The following DDX11 variants were observed in gnomAD, a reference collection of about 807,000 sequenced individuals.
DDX11 encodes ATP-dependent DNA helicase DDX11.
Under a neutral mutation model 125.2 loss-of-function variants are expected in DDX11, and 72 were observed. The observed-to-expected ratio is 0.58, with a 90% CI of 0.48 to 0.70. The LOEUF (loss-of-function observed/expected upper bound fraction) is 0.70. DDX11 is among the 30% of genes least tolerant of loss of function. The probability of loss-of-function intolerance (pLI) is 0.00; values close to 1 mark genes in which losing one functional copy is unlikely to be tolerated. For synonymous variants in DDX11, 347 were observed against 452.6 expected, an observed-to-expected ratio of 0.77 and a Z score of 2.96; for missense variants, 883 against 1,165.0, an observed-to-expected ratio of 0.76 and a Z score of 3.52.
rs1240444825 is a variant in DDX11 at position 31,085,046 on chromosome 12, G to A, written c.558G>A (p.Arg186=). The A allele has an allele frequency of 6.2e-7, 1 of 1,608,698 alleles. No individual in the cohort carries two copies. Among genetic ancestry groups the A allele is most frequent in the Non-Finnish European group, 8.5e-7 (1 of 1,177,336 alleles). ...EMLETGPEAE[R]LEQLESGEEE... is the part of the protein sequence containing the mutation. ...TAGAGACAGGCCCGGAGGCTGAGCG[G>A]CTGGAGCAGCTGGAGTCTGGGGAGG... Residue 186 remains arginine (R), a synonymous_variant, in exon 5 of 27, where the codon CGG becomes CGA. Coordinates refer to ENST00000542838, the MANE Select transcript of DDX11 (RefSeq NM_030653.4).
intron 9 of DDX11, among the ~76,000 whole-genome samples, chr12:31,090,547 C>A (rs929780467): frequency 6.6e-6 from 1 of 152,042 alleles, no homozygotes; most frequent in Non-Finnish European, 1.5e-5. Context: ...CCCTAACTTA[C>A]ACCTACCTGC....
chr12:31,093,906 A>G (rs2553126), intron 12 of DDX11, among the ~76,000 whole-genome samples: 71,820 of 138,942 alleles, frequency 0.52, 19,826 homozygotes, highest in East Asian at 0.81. Flanking sequence ...AGCATCACAT[A>G]GACACACGGT....
intron 12 of DDX11, 164 bp downstream of exon 12, chr12:31,093,488 G>T (rs1189137428): frequency 1.2e-5 from 11 of 887,484 alleles, no homozygotes; most frequent in Non-Finnish European, 1.8e-5. Context: ...GCCGAGGCAG[G>T]TGGTTCACCT....
At chr12:31,082,639 A>G (rs894341381) in intron 2 of DDX11, among the ~76,000 whole-genome samples, 3 of 151,920 alleles carry the variant, frequency 2.0e-5, no homozygotes, top group African/African-American at 7.3e-5. Flanking sequence ...CCCTGAGCTG[A>G]GTTCCCCTGT....
chr12:31,103,031 C>T lies in DDX11; in HGVS notation c.2457+11C>T, dbSNP rs770169754. The T allele has an allele frequency of 1.4e-5, 23 of 1,612,984 alleles. No individual in the cohort carries two copies. The highest frequency in any genetic ancestry group is 1.8e-5 in the Non-Finnish European group (21 of 1,178,970). On this transcript the variant is annotated intron_variant, in intron 24 of 26. Transcript: ENST00000542838. The stretch of plus-strand genomic sequence containing the variant: ...TTGGATCAAACCCTCGTGAGTGACC[C>T]CAGTGTCACAGAGGGTGACAGGAGA...
intron 18 of DDX11, among the ~76,000 whole-genome samples, chr12:31,098,685 G>A (rs1388915118): frequency 6.6e-6 from 1 of 152,196 alleles, no homozygotes; most frequent in Non-Finnish European, 1.5e-5. Flanking sequence ...TCCTGAAGCA[G>A]TGCTTCCCAG....
intron 1 of DDX11, among the ~76,000 whole-genome samples, chr12:31,076,080 C>G (rs989627955): frequency 2.6e-5 from 4 of 152,166 alleles, no homozygotes; most frequent in African/African-American, 9.7e-5. Flanking sequence ...GGGAGCCTGA[C>G]CAGTCTCAGG....
At chr12:31,089,605 A>T in intron 8 of DDX11, 115 bp downstream of exon 8, 2 of 1,174,740 alleles carry the variant, frequency 1.7e-6, no homozygotes, top group Non-Finnish European at 2.5e-6. Context: ...AGGAGACCCC[A>T]GTTCCTTCCT....
Position 31,101,560 on chromosome 12 carries a change from T to G in DDX11, c.2053-273T>G. On this transcript the variant is annotated intron_variant, in intron 20 of 26. Coordinates refer to ENST00000542838, the MANE Select transcript of DDX11 (RefSeq NM_030653.4). ...GACCCTGGACAGAAGAAGGGAGGAC[T>G]CAGTGCCAGGGCAATAGGGAGGCCC... The G allele has an allele frequency of 1.3e-5, 7 of 528,770 alleles. No homozygotes were observed. In the South Asian group the frequency reaches 1.4e-4, roughly 11 times the overall value. 32.8% of individuals were successfully genotyped at this position (528,770 alleles called of 1,614,324 possible). A position where few individuals can be genotyped will look rare whatever the true frequency, so the allele number is the denominator to read the frequency against.
chr12:31,077,658 T>C (rs181880730), intron 1 of DDX11, among the ~76,000 whole-genome samples: 3 of 151,958 alleles, frequency 2.0e-5, no homozygotes, highest in East Asian at 1.9e-4. Context: ...CCATCCTGGC[T>C]AACACGGTGA....
intron 5 of DDX11, chr12:31,086,065 G>C: frequency 4.4e-6 from 2 of 454,366 alleles, no homozygotes; most frequent in Non-Finnish European, 8.8e-6. Flanking sequence ...TCCACCAGAC[G>C]CCAGCTTCCC....
rs1946704376 is a variant in DDX11, at chr12:31,103,223, C to T, written c.2458-94C>T. On this transcript the variant is annotated intron_variant, in intron 24 of 26. Coordinates refer to ENST00000542838, the MANE Select transcript of DDX11 (RefSeq NM_030653.4). ...CCTGCTGCTGGCATTGGCCACGAAG[C>T]CTCCTGGTCTGGCTCCAAAGCCTGG... 1.9e-6 allele frequency: 3 copies of T among 1,549,238 alleles called. No individual in the cohort carries two copies. In the East Asian group the frequency reaches 7.3e-5, roughly 38 times the overall value.
Position 31,092,830 on chromosome 12 carries a change from T to C in DDX11, c.1243-16T>C. The C allele has an allele frequency of 1.2e-6, 2 of 1,613,544 alleles. No homozygotes were observed. The highest frequency in any genetic ancestry group is 4.5e-5 in the East Asian group (2 of 44,876). Reference sequence around the variant, plus strand: ...TCAGCTGCTTGCTCAGAGCCTGGTTTGTGTTCTTTCCCCAGCTCTGCCAGG... The same window carrying C: ...TCAGCTGCTTGCTCAGAGCCTGGTTCGTGTTCTTTCCCCAGCTCTGCCAGG... On this transcript the variant is annotated splice_polypyrimidine_tract_variant and intron_variant, in intron 10 of 26. Transcript: ENST00000542838.
At chr12:31,085,415 C>T (rs1434575205) in intron 5 of DDX11, among the ~76,000 whole-genome samples, 1 of 152,258 alleles carries the variant, frequency 6.6e-6, no homozygotes, top group Non-Finnish European at 1.5e-5. Context: ...CAAGGAGAGA[C>T]TCCTTGGCTG....
chr12:31,089,477 G>A lies in DDX11; in HGVS notation c.867G>A (p.Gln289=), dbSNP rs1943778545. The A allele has an allele frequency of 6.2e-7, 1 of 1,613,830 alleles. No homozygotes were observed. The highest frequency in any genetic ancestry group is 8.5e-7 in the Non-Finnish European group (1 of 1,179,740). The change falls in exon 8 of 27, where the codon CAG becomes CAA. Residue 289 remains glutamine (Q), a synonymous_variant. Coordinates refer to ENST00000542838, the MANE Select transcript of DDX11 (RefSeq NM_030653.4). ...QLINDRCVDM[Q]RSRHEKKKGA... The stretch of plus-strand genomic sequence containing the variant: ...TCAACGACCGCTGTGTGGACATGCA[G>A]AGAAGCAGGCACGGTAGCCACTGGG...
chr12:31,089,817 C>A, intron 8 of DDX11, 69 bp from the exon 9 acceptor site: 1 of 1,562,084 alleles, frequency 6.4e-7, no homozygotes, highest in Non-Finnish European at 8.7e-7. Flanking sequence ...CATTACACAA[C>A]CCCCTCTTGG....
intron 8 of DDX11, 87 bp from the exon 9 acceptor site, chr12:31,089,799 G>A (rs1191199687): frequency 6.4e-7 from 1 of 1,554,096 alleles, no homozygotes; most frequent in Middle Eastern, 2.3e-4. Context: ...CATGGAAGTG[G>A]GTCTCAACAT....
At chr12:31,096,491 C>G in intron 15 of DDX11, 112 bp downstream of exon 15, 4 of 1,604,950 alleles carry the variant, frequency 2.5e-6, no homozygotes, top group Non-Finnish European at 3.4e-6. Context: ...CCCTTCGTCT[C>G]CACTCTCCTT....
chr12:31,092,613 T>A lies in DDX11; in HGVS notation c.1243-233T>A, dbSNP rs545644546. Among the ~76,000 whole-genome samples the A allele has an allele frequency of 4.6e-5, 7 of 152,254 alleles. 1 individual carries two copies. The highest frequency in any genetic ancestry group is 1.7e-4 in the African/African-American group (7 of 41,546). ...CTTGAGGAATTCAGCCTCTTGCTTT[T>A]TCTCTGACCCACAGTGGACACTGGA... On this transcript the variant is annotated intron_variant, in intron 10 of 26. Coordinates refer to ENST00000542838, the MANE Select transcript of DDX11 (RefSeq NM_030653.4).
Sources: allele counts gnomAD v4.1 joint callset (sites outside exome capture counted in the v4.1 genomes callset), GRCh38; gene constraint gnomAD v4.1.1; transcripts MANE v1.5; gene names NCBI Gene and HGNC (gene_info 2026-07-23, HGNC 2026-07-21).